The following MYRIP variants were observed in gnomAD, a reference collection of about 807,000 sequenced individuals.
MYRIP encodes the protein myosin VIIA and Rab interacting protein.
In MYRIP, 49 loss-of-function variants were observed where a neutral mutation model predicts 98.0. The observed-to-expected ratio is 0.50, with a 90% confidence interval of 0.40 to 0.63. MYRIP has a LOEUF of 0.63. Ranked by LOEUF, MYRIP falls within the 30% of genes least tolerant of loss-of-function variation. The pLI, the probability that MYRIP is intolerant of heterozygous loss-of-function variation, is 0.00. For missense variants in MYRIP, 1,004 were observed against 1,058.2 expected, an observed-to-expected ratio of 0.95 and a Z score of 0.71; for synonymous variants, 404 against 409.5, an observed-to-expected ratio of 0.99 and a Z score of 0.16.
intron 2 of MYRIP, among the ~76,000 whole-genome samples, chr3:39,907,622 G>A (rs569471610): frequency 2.0e-5 from 3 of 152,274 alleles, no homozygotes; most frequent in Admixed American, 6.5e-5. Context: ...GGGTTTATTG[G>A]GTTAAGTCAT....
chr3:40,106,490 T>G (rs2125897269), intron 3 of MYRIP, among the ~76,000 whole-genome samples: 1 of 152,318 alleles, frequency 6.6e-6, no homozygotes, highest in South Asian at 2.1e-4. Flanking sequence ...TGATTCATTT[T>G]TATAAATCTT....
At chr3:39,826,536 T>A (rs1024937807) in intron 1 of MYRIP, among the ~76,000 whole-genome samples, 3 of 152,186 alleles carry the variant, frequency 2.0e-5, no homozygotes, top group African/African-American at 7.2e-5. Flanking sequence ...TATGATGTTT[T>A]AAAAAATTTT....
chr3:40,112,979 T>C (rs892657456), intron 3 of MYRIP, among the ~76,000 whole-genome samples: 7 of 152,224 alleles, frequency 4.6e-5, no homozygotes, highest in Non-Finnish European at 8.8e-5. Context: ...TCCAGGCTGC[T>C]ATGAATGTGG....
In MYRIP at chr3:40,233,964, C is replaced by A. The variant is rs371033355; in HGVS notation, c.2011C>A (p.Gln671Lys). Residue 671 changes from glutamine (Q) to lysine (K), a missense_variant, in exon 12 of 17, where the codon CAA (glutamine) becomes AAA (lysine). Around this residue, in one of 3 missense-constraint regions of MYRIP, gnomAD observed 880 missense variants for 907.7 expected, o/e 0.97. Coordinates refer to ENST00000302541, the MANE Select transcript of MYRIP (RefSeq NM_015460.4). Reference protein sequence around the residue: ...AGSTGPWESPQVPPDRQKGMF... With the variant: ...AGSTGPWESPKVPPDRQKGMF... ...ATCTACAGGGCCCTGGGAGTCCCCA[C>A]AAGTCCCTCCTGACAGACAGAAGGG... is the stretch of plus-strand genomic sequence containing the variant. 15 of 1,613,696 alleles carry A rather than the reference C, an allele frequency of 9.3e-6. No homozygotes were observed. In the African/African-American group the frequency reaches 1.6e-4, roughly 17 times the overall value.
chr3:40,182,187 G>T lies in MYRIP; in HGVS notation c.874-33G>T, dbSNP rs745654445. 12 of 1,575,048 alleles carry T rather than the reference G, an allele frequency of 7.6e-6. No individual in the cohort carries two copies. The South Asian group carries it at 1.3e-4, about 17-fold the overall frequency. Reference sequence around the variant, plus strand: ...ACACCTCCCAGGCACTGTACCTTATGAGCTCACCCCTTCCCCTCTTTCCTT... The same window carrying T: ...ACACCTCCCAGGCACTGTACCTTATTAGCTCACCCCTTCCCCTCTTTCCTT... On this transcript the variant is annotated intron_variant, in intron 8 of 16. Transcript: ENST00000302541.
chr3:40,067,837 T>A (rs1407496366), intron 3 of MYRIP, among the ~76,000 whole-genome samples: 1 of 152,212 alleles, frequency 6.6e-6, no homozygotes, highest in Non-Finnish European at 1.5e-5. Context: ...CCCATGATCC[T>A]ATCACCTTGA....
chr3:40,126,161 G>A (rs1575558090), intron 3 of MYRIP, among the ~76,000 whole-genome samples: 2 of 152,224 alleles, frequency 1.3e-5, no homozygotes, highest in Non-Finnish European at 2.9e-5. Context: ...GTTTCTTAAA[G>A]TGCAATCCTT....
chr3:39,981,284 T>G (rs140321460), intron 2 of MYRIP, among the ~76,000 whole-genome samples: 140 of 152,346 alleles, frequency 9.2e-4, no homozygotes, highest in African/African-American at 3.0e-3. Flanking sequence ...TTGCCAAATA[T>G]AGTGGACTTC....
intron 1 of MYRIP, among the ~76,000 whole-genome samples, chr3:39,898,639 A>G (rs1249641004): frequency 6.6e-6 from 1 of 152,190 alleles, no homozygotes; most frequent in Non-Finnish European, 1.5e-5. Flanking sequence ...CCATTGTCTT[A>G]GACATAATAT....
intron 2 of MYRIP, among the ~76,000 whole-genome samples, chr3:40,024,072 G>A (rs1007957704): frequency 1.5e-4 from 23 of 152,102 alleles, no homozygotes; most frequent in African/African-American, 2.2e-4. Context: ...TAGGGTACTC[G>A]CTCTTGTCAA....
chr3:40,064,660 G>T (rs11713891), intron 3 of MYRIP, among the ~76,000 whole-genome samples: 44,086 of 152,120 alleles, frequency 0.29, 6,469 homozygotes, highest in East Asian at 0.35. Context: ...GGATGCCTGG[G>T]TGAAGTTGAC....
chr3:40,249,003 G>A (rs1953287516), intron 13 of MYRIP, among the ~76,000 whole-genome samples: 1 of 152,030 alleles, frequency 6.6e-6, no homozygotes, highest in Non-Finnish European at 1.5e-5. Context: ...CAGGGGTAGG[G>A]GATGCATCTT....
At chr3:40,029,915 A>G (rs1051663652) in intron 2 of MYRIP, among the ~76,000 whole-genome samples, 1 of 151,938 alleles carries the variant, frequency 6.6e-6, no homozygotes, top group African/African-American at 2.4e-5. Context: ...TATTTAAAAA[A>G]TTAGCCAGGT....
At chr3:40,021,785 G>A (rs1182365388) in intron 2 of MYRIP, among the ~76,000 whole-genome samples, 3 of 152,182 alleles carry the variant, frequency 2.0e-5, no homozygotes, top group Non-Finnish European at 4.4e-5. Flanking sequence ...GTATGTGAAG[G>A]AGGAATGAAA....
chr3:40,030,034 T>C lies in MYRIP; in HGVS notation c.111-14016T>C, dbSNP rs540415725. On this transcript the variant is annotated intron_variant, in intron 2 of 16. Coordinates refer to ENST00000302541, the MANE Select transcript of MYRIP (RefSeq NM_015460.4). ...ATGATGCCACCACTGCATTCCAGCATGGATGACAGAGCAAAACCCTGTCTC... is the reference window on the plus strand; with the variant it reads ...ATGATGCCACCACTGCATTCCAGCACGGATGACAGAGCAAAACCCTGTCTC... 1.5e-4 allele frequency among the ~76,000 whole-genome samples: 22 copies of C among 147,446 alleles called. 1 individual carries two copies. The highest frequency in any genetic ancestry group is 4.0e-4 in the African/African-American group (16 of 39,584).
At chr3:40,130,523 G>C (rs1024252831) in intron 3 of MYRIP, among the ~76,000 whole-genome samples, 9 of 151,548 alleles carry the variant, frequency 5.9e-5, no homozygotes, top group African/African-American at 2.2e-4. Context: ...GACTACAGGC[G>C]CCCACCATCA....
At chr3:39,940,049 T>C (rs1276356979) in intron 2 of MYRIP, among the ~76,000 whole-genome samples, 2 of 152,154 alleles carry the variant, frequency 1.3e-5, no homozygotes, top group Non-Finnish European at 2.9e-5. Context: ...CAAAGTAATA[T>C]ATGCTTAATG....
intron 2 of MYRIP, among the ~76,000 whole-genome samples, chr3:39,946,936 A>G (rs1354686262): frequency 6.6e-6 from 1 of 152,164 alleles, no homozygotes; most frequent in Non-Finnish European, 1.5e-5. Flanking sequence ...GAGTGGTGCT[A>G]TTAATGCCAA....
intron 3 of MYRIP, among the ~76,000 whole-genome samples, chr3:40,141,218 T>TA (rs201852581): frequency 2.0e-5 from 3 of 152,208 alleles, no homozygotes; most frequent in Admixed American, 2.0e-4. Context: ...TGTTCAGCCA[T>TA]AAAAAAGAAT....
Sources: gnomAD v4.1 joint callset for allele counts (sites outside exome capture counted in the v4.1 genomes callset) on GRCh38, gnomAD v4.1.1 for gene constraint, gnomAD v4.1.1 regional missense constraint, MANE v1.5 for transcripts, NCBI Gene and HGNC (gene_info 2026-07-23, HGNC 2026-07-21) for gene names.